HDAC9: variants seen among roughly 807,000 people sequenced by gnomAD.
The protein encoded by HDAC9 is histone deacetylase 9.
A neutral mutation model predicts 139.4 loss-of-function variants in HDAC9; 41 were observed. The ratio of observed to expected loss-of-function variants is 0.29; its 90% CI spans 0.23 to 0.38. The LOEUF is 0.38. HDAC9 is among the 10% of genes least tolerant of loss of function. The pLI is 1.00. For synonymous variants in HDAC9, 517 were observed against 476.2 expected, an observed-to-expected ratio of 1.09 and a Z score of -1.12; for missense variants, 1,147 against 1,297.0, an observed-to-expected ratio of 0.88 and a Z score of 1.78.
At chr7:18,834,527 GC>G (rs1399981386) in intron 19 of HDAC9, among the ~76,000 whole-genome samples, 3 of 134,602 alleles carry the variant, frequency 2.2e-5, no homozygotes, top group East Asian at 4.3e-4. Flanking sequence ...TTTATATCAG[GC>G]TTTTTTTTTT....
intron 12 of HDAC9, among the ~76,000 whole-genome samples, chr7:18,724,882 A>C (rs1452364942): frequency 6.6e-6 from 1 of 152,192 alleles, no homozygotes; most frequent in Non-Finnish European, 1.5e-5. Flanking sequence ...TATATAAAAG[A>C]CTATGGCAGG....
chr7:18,590,528 C>G (rs555898475), intron 4 of HDAC9, 42 bp downstream of exon 4: 2 of 1,548,124 alleles, frequency 1.3e-6, no homozygotes, highest in South Asian at 1.2e-5. Context: ...CTTTCCTCAT[C>G]GTTAGCTGAT....
intron 2 of HDAC9, among the ~76,000 whole-genome samples, chr7:18,505,378 T>G (rs1006403886): frequency 1.3e-5 from 2 of 152,220 alleles, no homozygotes; most frequent in Admixed American, 1.3e-4. Flanking sequence ...TACCTTGAAA[T>G]GTAAGGTTAA....
intron 22 of HDAC9, among the ~76,000 whole-genome samples, chr7:18,916,127 G>C (rs1001917282): frequency 5.3e-5 from 8 of 151,860 alleles, no homozygotes; most frequent in African/African-American, 1.9e-4. Context: ...GACGGAAGCA[G>C]ACATCTCCAA....
chr7:18,939,788 A>T (rs1376807455), intron 23 of HDAC9, among the ~76,000 whole-genome samples: 1 of 152,192 alleles, frequency 6.6e-6, no homozygotes, highest in Non-Finnish European at 1.5e-5. Flanking sequence ...TCAGTGATTA[A>T]TAGAGCAATT....
At chr7:18,895,490 T>C (rs1801105347) in intron 22 of HDAC9, among the ~76,000 whole-genome samples, 1 of 152,096 alleles carries the variant, frequency 6.6e-6, no homozygotes, top group African/African-American at 2.4e-5. Context: ...GAAAGAGTTC[T>C]GATTTTTGTT....
intron 6 of HDAC9, among the ~76,000 whole-genome samples, chr7:18,604,274 G>T (rs1216696526): frequency 6.6e-6 from 1 of 151,970 alleles, no homozygotes; most frequent in African/African-American, 2.4e-5. Context: ...AATTTTCTTA[G>T]AGTATTGGGG....
intron 1 of HDAC9, among the ~76,000 whole-genome samples, chr7:18,448,526 T>C (rs1792507447): frequency 1.3e-5 from 2 of 152,196 alleles, no homozygotes; most frequent in African/African-American, 4.8e-5. Context: ...CTAACAGTTA[T>C]TAAATTGCAT....
intron 23 of HDAC9, among the ~76,000 whole-genome samples, chr7:18,947,541 T>C (rs1024140446): frequency 1.3e-5 from 2 of 151,958 alleles, no homozygotes; most frequent in Non-Finnish European, 2.9e-5. Flanking sequence ...AATGCAACCT[T>C]GCAAGACTGA....
intron 6 of HDAC9, among the ~76,000 whole-genome samples, chr7:18,614,985 CT>C (rs1838181514): frequency 6.6e-6 from 1 of 152,138 alleles, no homozygotes; most frequent in South Asian, 2.1e-4. Flanking sequence ...TTGACTTTAA[CT>C]TTTAGAAATG....
chr7:18,101,850 C>T lies in HDAC9; in HGVS notation c.-97+14637C>T, dbSNP rs1054523167. On this transcript the variant is annotated intron_variant, in intron 1 of 12. Coordinates refer to the HDAC9 transcript ENST00000417496. ...TAAAAGATGCCACTATGGGAAAGTA[C>T]CATGTTTTTTAAGGATAGAAGCCAA... Among the ~76,000 whole-genome samples, 3 of 152,014 alleles carry T rather than the reference C, an allele frequency of 2.0e-5. No individual in the cohort carries two copies. In the South Asian group the frequency reaches 6.2e-4, roughly 32 times the overall value.
intron 21 of HDAC9, among the ~76,000 whole-genome samples, chr7:18,837,899 T>A (rs1007459808): frequency 2.0e-5 from 3 of 152,100 alleles, no homozygotes; most frequent in Non-Finnish European, 4.4e-5. Flanking sequence ...TCTCTTTGCC[T>A]GGAAGGTGGA....
chr7:18,317,250 G>A (rs541946735), intron 1 of HDAC9, among the ~76,000 whole-genome samples: 1 of 151,844 alleles, frequency 6.6e-6, no homozygotes, highest in South Asian at 2.1e-4. Flanking sequence ...CATATTAAAA[G>A]ACTCATGAGT....
chr7:18,485,694 T>G (rs1795924268), intron 1 of HDAC9, among the ~76,000 whole-genome samples: 1 of 152,018 alleles, frequency 6.6e-6, no homozygotes, highest in Non-Finnish European at 1.5e-5. Context: ...TGCTAGGAAC[T>G]TTATATTTAC....
At chr7:18,269,662 G>T (rs1442066569) in intron 2 of HDAC9, among the ~76,000 whole-genome samples, 1 of 152,046 alleles carries the variant, frequency 6.6e-6, no homozygotes, top group Non-Finnish European at 1.5e-5. Flanking sequence ...TTGGAGGTTG[G>T]AGTGAGTCAT....
chr7:18,748,890 T>C, intron 13 of HDAC9, 115 bp from the exon 14 acceptor site: 1 of 995,002 alleles, frequency 1.0e-6, no homozygotes, highest in Non-Finnish European at 1.5e-6. Context: ...TTTCCTCCTT[T>C]GTTAAATTTA....
At chr7:18,171,984 T>C (rs1252164275) in intron 2 of HDAC9, among the ~76,000 whole-genome samples, 1 of 152,182 alleles carries the variant, frequency 6.6e-6, no homozygotes, top group Non-Finnish European at 1.5e-5. Context: ...GGATTCCTTG[T>C]TTTTCTATTG....
chr7:18,869,887 GTTTTTT>G (rs146884767), intron 21 of HDAC9, among the ~76,000 whole-genome samples: 1 of 145,288 alleles, frequency 6.9e-6, no homozygotes, highest in Non-Finnish European at 1.5e-5. Flanking sequence ...GGTTTTTTTT[GTTTTTT>G]TTTTTTAGTG....
intron 1 of HDAC9, among the ~76,000 whole-genome samples, chr7:18,409,062 G>T (rs1438500330): frequency 6.6e-6 from 1 of 152,134 alleles, no homozygotes; most frequent in African/African-American, 2.4e-5. Flanking sequence ...ACTTGTTGGT[G>T]ACTTTTGAAA....
Sources: allele counts gnomAD v4.1 joint callset (sites outside exome capture counted in the v4.1 genomes callset), GRCh38; gene constraint gnomAD v4.1.1; transcripts MANE v1.5; gene names NCBI Gene and HGNC (gene_info 2026-07-23, HGNC 2026-07-21).